PUM3: variants seen among roughly 807,000 people sequenced by gnomAD.
The protein encoded by PUM3 is pumilio homolog 3.
A neutral mutation model predicts 84.0 loss-of-function variants in PUM3; 91 were observed. That is an observed-to-expected ratio of 1.08 (90% CI 0.91 to 1.29). The LOEUF is 1.29. PUM3 is among the 50% of genes most tolerant of loss of function. PUM3 has a pLI of 0.00. For missense variants in PUM3, 1,067 were observed against 767.5 expected (o/e 1.39, Z -4.61); for synonymous variants, 321 against 266.7 (o/e 1.20, Z -1.98).
chr9:2,804,461 A>T lies in PUM3; in HGVS notation c.1817T>A (p.Leu606His), dbSNP rs1265034440. 17 of 1,608,600 alleles carry T rather than the reference A, an allele frequency of 1.1e-5. No individual in the cohort carries two copies. Among genetic ancestry groups the T allele is most frequent in the Non-Finnish European group, 1.4e-5 (17 of 1,178,214 alleles). ...VNRGAIILSS[L>H]LQSCDLEVAN... Reference sequence around the variant, plus strand: ...AACTTCCAGGTCACAACTCTGGAGGAGGCTGAAGAGAGGAAAAAAATTAAA... The same window carrying T: ...AACTTCCAGGTCACAACTCTGGAGGTGGCTGAAGAGAGGAAAAAAATTAAA... Residue 606 changes from leucine (L) to histidine (H), a missense_variant and splice_region_variant, in exon 18 of 18, where the codon CTC (leucine) becomes CAC (histidine). Leu to His is a moderately conservative substitution (Grantham distance 99). Transcript: ENST00000397885.
intron 13 of PUM3, among the ~76,000 whole-genome samples, chr9:2,818,104 G>A (rs1182973526): frequency 6.6e-6 from 1 of 152,246 alleles, no homozygotes; most frequent in Non-Finnish European, 1.5e-5. Context: ...GCAACACTAA[G>A]CTTTCCTGGT....
chr9:2,836,067 AAAGAG>A (rs1816113051), intron 3 of PUM3, among the ~76,000 whole-genome samples: 1 of 152,174 alleles, frequency 6.6e-6, no homozygotes, highest in African/African-American at 2.4e-5. Context: ...GAAAAAATGA[AAAGAG>A]AAGATCAAGA....
At chr9:2,816,078 T>C (rs1219077367) in intron 13 of PUM3, among the ~76,000 whole-genome samples, 1 of 152,174 alleles carries the variant, frequency 6.6e-6, no homozygotes, top group Non-Finnish European at 1.5e-5. Context: ...CGTTTTTGGT[T>C]GAGGGTAGAA....
intron 13 of PUM3, among the ~76,000 whole-genome samples, chr9:2,814,214 A>ATTTTT (rs372676174): frequency 1.7e-5 from 2 of 118,986 alleles, no homozygotes; most frequent in African/African-American, 4.5e-5. Context: ...AACTCCAACT[A>ATTTTT]TTTTTTTTTT....
intron 1 of PUM3, among the ~76,000 whole-genome samples, chr9:2,841,925 A>C (rs1001361466): frequency 2.0e-5 from 3 of 152,184 alleles, no homozygotes; most frequent in Admixed American, 6.5e-5. Flanking sequence ...AGACTCATGC[A>C]TCCACTACCA....
intron 1 of PUM3, among the ~76,000 whole-genome samples, chr9:2,842,125 G>A (rs2129900304): frequency 6.6e-6 from 1 of 152,158 alleles, no homozygotes; most frequent in Middle Eastern, 3.4e-3. Flanking sequence ...TTTGCACTGG[G>A]CAAAATGCAA....
chr9:2,833,479 T>A, intron 4 of PUM3, 47 bp from the exon 5 acceptor site: 1 of 1,076,002 alleles, frequency 9.3e-7, no homozygotes, highest in Non-Finnish European at 1.4e-6. Flanking sequence ...AAAGAAGTTA[T>A]TTTAAACACA....
At chr9:2,842,913 C>G (rs1035149354) in intron 1 of PUM3, among the ~76,000 whole-genome samples, 1 of 152,168 alleles carries the variant, frequency 6.6e-6, no homozygotes, top group African/African-American at 2.4e-5. Flanking sequence ...TACTTTACTG[C>G]TCAAGTAAGA....
intron 17 of PUM3, among the ~76,000 whole-genome samples, chr9:2,807,554 G>A (rs551210755): frequency 8.5e-6 from 1 of 117,582 alleles, no homozygotes; most frequent in East Asian, 2.8e-4. Context: ...AGTGAGCTGA[G>A]ATCGTGACAC....
rs1351121036 is a variant in PUM3, at chr9:2,829,955, G to A, written c.678-7C>T. ...TGCAATCTGTGGTTTACTTCTAAAC[G>A]CAACACAATCATGGAAAAATAAATG... On this transcript the variant is annotated splice_polypyrimidine_tract_variant and splice_region_variant and intron_variant, in intron 7 of 17. Transcript: ENST00000397885. The A allele has an allele frequency of 6.9e-6, 11 of 1,593,152 alleles. No homozygotes were observed. The highest frequency in any genetic ancestry group is 3.3e-4 in the Middle Eastern group (2 of 5,988).
chr9:2,832,893 T>C (rs552570639), intron 5 of PUM3, among the ~76,000 whole-genome samples: 4 of 152,284 alleles, frequency 2.6e-5, no homozygotes, highest in Non-Finnish European at 5.9e-5. Flanking sequence ...GCAGCAACAA[T>C]GAAAACTACT....
intron 8 of PUM3, 117 bp from the exon 9 acceptor site, chr9:2,828,895 A>G (rs1047490485): frequency 1.5e-6 from 1 of 685,680 alleles, no homozygotes. Flanking sequence ...GATTTCCCAT[A>G]TTTACATAAT....
At chr9:2,813,228 T>C (rs1386376185) in intron 13 of PUM3, among the ~76,000 whole-genome samples, 1 of 152,192 alleles carries the variant, frequency 6.6e-6, no homozygotes, top group Non-Finnish European at 1.5e-5. Flanking sequence ...ATCCCCACCC[T>C]AACTAAACTC....
At position 2,829,771 on chromosome 9, in the gene PUM3, C is replaced by T. The variant is rs1264926916; in HGVS notation, c.852+3G>A. ...ACTAGAAAAAGACTTCTGGAGATGT[C>T]ACCTTGTAAAGCTGAAATGTGTTCC... On this transcript the variant is annotated splice_donor_region_variant and intron_variant, in intron 8 of 17. Coordinates refer to ENST00000397885, the MANE Select transcript of PUM3 (RefSeq NM_014878.5). 1 of 1,604,734 alleles carries T rather than the reference C, an allele frequency of 6.2e-7. No homozygotes were observed. Among genetic ancestry groups the T allele is most frequent in the Admixed American group, 1.7e-5 (1 of 59,108 alleles).
intron 1 of PUM3, 45 bp from the exon 2 acceptor site, chr9:2,838,562 T>C: frequency 8.5e-7 from 1 of 1,171,638 alleles, no homozygotes; most frequent in African/African-American, 1.5e-5. Flanking sequence ...TGCAGTTCTC[T>C]TCATCAAATA....
At chr9:2,806,786 C>T (rs971244097) in intron 17 of PUM3, among the ~76,000 whole-genome samples, 2 of 152,190 alleles carry the variant, frequency 1.3e-5, no homozygotes, top group African/African-American at 2.4e-5. Context: ...AGCACACACA[C>T]TTCAGTAGCA....
intron 3 of PUM3, among the ~76,000 whole-genome samples, chr9:2,835,288 C>T (rs1586728196): frequency 1.3e-5 from 2 of 152,092 alleles, no homozygotes; most frequent in African/African-American, 4.8e-5. Context: ...TGTGGTGGTA[C>T]ATGCCTGCAG....
intron 2 of PUM3, 77 bp from the exon 3 acceptor site, chr9:2,837,478 G>T: frequency 1.0e-6 from 1 of 955,454 alleles, no homozygotes; most frequent in Non-Finnish European, 1.6e-6. Flanking sequence ...ATCCATTACA[G>T]AAAATTATAC....
At chr9:2,833,131 A>G (rs774482515) in intron 5 of PUM3, among the ~76,000 whole-genome samples, 11 of 152,216 alleles carry the variant, frequency 7.2e-5, no homozygotes, top group Non-Finnish European at 1.6e-4. Context: ...TTTAAGAATT[A>G]TTAAAAAATG....
Sources: gnomAD v4.1 joint callset for allele counts (sites outside exome capture counted in the v4.1 genomes callset) on GRCh38, gnomAD v4.1.1 for gene constraint, MANE v1.5 for transcripts, NCBI Gene and HGNC (gene_info 2026-07-23, HGNC 2026-07-21) for gene names.